The following HSF2 variants were observed in gnomAD, a reference collection of about 807,000 sequenced individuals.
HSF2 encodes the protein heat shock factor protein 2.
Under a neutral mutation model 65.0 loss-of-function variants are expected in HSF2, and 21 were observed. The ratio of observed to expected loss-of-function variants is 0.32; its 90% CI spans 0.23 to 0.47. The LOEUF (loss-of-function observed/expected upper bound fraction) is 0.47. Ranked by LOEUF, HSF2 falls within the 20% of genes least tolerant of loss-of-function variation. The pLI is 1.00. For missense variants in HSF2, 499 were observed against 628.1 expected (o/e 0.79, Z 2.20); for synonymous variants, 225 against 219.1 (o/e 1.03, Z -0.24).
chr6:122,432,297 T>A lies in HSF2; in HGVS notation c.*77T>A. Reference sequence around the variant, plus strand: ...TTTATTTTAAAGTATCATTTGGTACTTTTTTTGTAAATTGCTTTGTTTTGT... The same window carrying A: ...TTTATTTTAAAGTATCATTTGGTACATTTTTTGTAAATTGCTTTGTTTTGT... On this transcript the variant is annotated 3_prime_UTR_variant, in exon 13 of 13. Coordinates refer to ENST00000368455, the MANE Select transcript of HSF2 (RefSeq NM_004506.4). 1 of 1,258,056 alleles carries A rather than the reference T, an allele frequency of 7.9e-7. No individual in the cohort carries two copies. The allele number at this position is 1,258,056 out of a possible 1,614,324, so 77.9% of individuals were successfully genotyped here. A position where few individuals can be genotyped will look rare whatever the true frequency, so the allele number is the denominator to read the frequency against.
intron 4 of HSF2, 52 bp from the exon 5 acceptor site, chr6:122,416,169 G>GT: frequency 2.6e-6 from 3 of 1,149,114 alleles, no homozygotes; most frequent in Non-Finnish European, 3.9e-6. Flanking sequence ...CTATGGTCTG[G>GT]TTTTTTGATT....
intron 5 of HSF2, among the ~76,000 whole-genome samples, chr6:122,418,125 C>G (rs1186633774): frequency 1.3e-5 from 2 of 152,144 alleles, no homozygotes; most frequent in Non-Finnish European, 1.5e-5. Flanking sequence ...AGCTTATAAG[C>G]ACACTTTCTG....
intron 7 of HSF2, among the ~76,000 whole-genome samples, chr6:122,420,700 CTTTTTTTTTTT>C (rs59305295): frequency 6.6e-4 from 19 of 28,590 alleles, no homozygotes; most frequent in South Asian, 2.0e-3. Flanking sequence ...TTATTCATTT[CTTTTTTTTTTT>C]TTTTTTTTTT....
intron 1 of HSF2, among the ~76,000 whole-genome samples, chr6:122,401,737 TTAA>T (rs1773738588): frequency 6.6e-6 from 1 of 152,182 alleles, no homozygotes; most frequent in Non-Finnish European, 1.5e-5. Flanking sequence ...CACTAGGTGT[TTAA>T]TAATTGTTTG....
intron 1 of HSF2, among the ~76,000 whole-genome samples, chr6:122,408,611 A>G (rs1281718036): frequency 6.6e-6 from 1 of 152,106 alleles, no homozygotes; most frequent in Non-Finnish European, 1.5e-5. Flanking sequence ...GTATATTGAT[A>G]ATAAATCAGT....
chr6:122,420,605 TATC>T (rs1477128631), intron 7 of HSF2, among the ~76,000 whole-genome samples: 1 of 143,110 alleles, frequency 7.0e-6, no homozygotes, highest in African/African-American at 2.6e-5. Context: ...ATATAAATAA[TATC>T]ATTTTGTGCA....
chr6:122,401,719 C>A (rs1224366636), intron 1 of HSF2, among the ~76,000 whole-genome samples: 3 of 152,138 alleles, frequency 2.0e-5, no homozygotes, highest in Admixed American at 6.5e-5. Context: ...ATCACTGTGC[C>A]AGAGACACAC....
intron 1 of HSF2, among the ~76,000 whole-genome samples, chr6:122,406,611 C>G (rs1164336252): frequency 2.0e-5 from 3 of 152,062 alleles, no homozygotes; most frequent in African/African-American, 7.2e-5. Context: ...GGCAAAGCTG[C>G]AGGATTTGCT....
chr6:122,399,880 C>A, intron 1 of HSF2, 50 bp downstream of exon 1: 1 of 1,351,428 alleles, frequency 7.4e-7, no homozygotes, highest in Non-Finnish European at 1.1e-6. Context: ...ACCGCCTCCT[C>A]ACTCGCTCTC....
intron 5 of HSF2, among the ~76,000 whole-genome samples, chr6:122,418,857 A>G (rs528640055): frequency 2.0e-5 from 3 of 152,268 alleles, no homozygotes; most frequent in African/African-American, 7.2e-5. Flanking sequence ...GTATAAGAAA[A>G]ATGTTGCCTA....
rs1297083850 is a variant in HSF2, at chr6:122,431,510, AC to A, written c.1313del (p.Pro438GlnfsTer40). ...AAGAGGGAAGAAAATCTAAATCCAAACCAGGTAGGTATAAATATAGTATTCA... is the reference window on the plus strand; with the variant it reads ...AAGAGGGAAGAAAATCTAAATCCAAACAGGTAGGTATAAATATAGTATTCA... ...SEEGRKSKSK[P>X]DKQLIQYTAF... On this transcript the variant is annotated frameshift_variant, in exon 12 of 13. Coordinates refer to ENST00000368455, the MANE Select transcript of HSF2 (RefSeq NM_004506.4). LOFTEE classifies it high-confidence loss of function. The A allele has an allele frequency of 6.4e-7, 1 of 1,552,874 alleles. No individual in the cohort carries two copies. Among genetic ancestry groups the A allele is most frequent in the Non-Finnish European group, 8.9e-7 (1 of 1,128,826 alleles).
At chr6:122,431,603 T>C in intron 12 of HSF2, 89 bp downstream of exon 12, 1 of 689,320 alleles carries the variant, frequency 1.5e-6, no homozygotes, top group Non-Finnish European at 2.5e-6. Context: ...TAATTGAATA[T>C]GCTGGCTTTA....
At chr6:122,417,359 G>A (rs1489465350) in intron 5 of HSF2, among the ~76,000 whole-genome samples, 1 of 151,988 alleles carries the variant, frequency 6.6e-6, no homozygotes, top group Non-Finnish European at 1.5e-5. Context: ...CAGTGTTTTG[G>A]TAATATATTA....
In HSF2 at chr6:122,412,777, G is replaced by T; in HGVS notation, c.330+13G>T. The T allele has an allele frequency of 6.2e-7, 1 of 1,611,718 alleles. No individual in the cohort carries two copies. The highest frequency in any genetic ancestry group is 1.1e-5 in the South Asian group (1 of 90,926). Reference sequence around the variant, plus strand: ...CATTAAAAGGAAGGTGAGCTATTGTGAACGTGAGCTAATTAGGGTATTGAC... The same window carrying T: ...CATTAAAAGGAAGGTGAGCTATTGTTAACGTGAGCTAATTAGGGTATTGAC... On this transcript the variant is annotated intron_variant, in intron 3 of 12. Transcript: ENST00000368455.
At chr6:122,400,107 G>C (rs1012049284) in intron 1 of HSF2, among the ~76,000 whole-genome samples, 1 of 152,158 alleles carries the variant, frequency 6.6e-6, no homozygotes, top group Middle Eastern at 3.2e-3. Context: ...GGTCCGGTCC[G>C]CGTTCGGAAC....
intron 4 of HSF2, among the ~76,000 whole-genome samples, chr6:122,415,644 A>G (rs78919774): frequency 1.7e-3 from 259 of 152,232 alleles, no homozygotes; most frequent in African/African-American, 5.8e-3. Flanking sequence ...ATTGCCAACT[A>G]CTATATTGAT....
At chr6:122,419,769 T>G (rs1774194306) in intron 6 of HSF2, among the ~76,000 whole-genome samples, 1 of 152,168 alleles carries the variant, frequency 6.6e-6, no homozygotes, top group Non-Finnish European at 1.5e-5. Context: ...AAAACTTGAT[T>G]ATGATCAGAG....
chr6:122,412,476 A>G lies in HSF2; in HGVS notation c.197A>G (p.Asn66Ser), dbSNP rs1774022089. Residue 66 changes from asparagine (N) to serine (S), a missense_variant, in exon 2 of 13, where the codon AAT becomes AGT. Asn to Ser is a conservative substitution (Grantham distance 46, BLOSUM62 1). Coordinates refer to ENST00000368455, the MANE Select transcript of HSF2 (RefSeq NM_004506.4). ...NNMASFVRQL[N>S]MYGFRKVVHI... ...ATGGCAAGCTTTGTGAGGCAACTGA[A>G]TATGTGTGAGTATGGACAGCAGTTT... 1.3e-6 allele frequency: 2 copies of G among 1,595,946 alleles called. No homozygotes were observed. The highest frequency in any genetic ancestry group is 1.3e-5 in the African/African-American group (1 of 74,540).
At chr6:122,428,865 G>A (rs1437739552) in intron 11 of HSF2, among the ~76,000 whole-genome samples, 4 of 152,006 alleles carry the variant, frequency 2.6e-5, no homozygotes, top group African/African-American at 7.2e-5. Context: ...TAAAAAATTT[G>A]TGAATTTGTG....
Sources: allele counts gnomAD v4.1 joint callset (sites outside exome capture counted in the v4.1 genomes callset), GRCh38; gene constraint gnomAD v4.1.1; transcripts MANE v1.5; gene names NCBI Gene and HGNC (gene_info 2026-07-23, HGNC 2026-07-21).